The following MAST4 variants were observed in gnomAD, a reference collection of about 807,000 sequenced individuals.
MAST4 encodes microtubule associated serine/threonine kinase family member 4.
A neutral mutation model predicts 162.7 loss-of-function variants in MAST4; 89 were observed. The observed-to-expected ratio is 0.55, with a 90% CI of 0.46 to 0.65. The LOEUF (loss-of-function observed/expected upper bound fraction) is 0.65. MAST4 is among the 30% of genes least tolerant of loss of function. The probability of loss-of-function intolerance (pLI) is 0.00; values close to 1 mark genes in which losing one functional copy is unlikely to be tolerated. For synonymous variants in MAST4, 1,479 were observed against 1,361.1 expected, an observed-to-expected ratio of 1.09 and a Z score of -1.91; for missense variants, 3,153 against 3,374.0, an observed-to-expected ratio of 0.93 and a Z score of 1.62.
At chr5:66,607,515 A>G (rs1742970458) in intron 1 of MAST4, among the ~76,000 whole-genome samples, 1 of 152,218 alleles carries the variant, frequency 6.6e-6, no homozygotes, top group Admixed American at 6.5e-5. Context: ...CCACATGTTA[A>G]AAGGAATTAT....
Position 66,623,933 on chromosome 5 carries a change from T to C in MAST4, c.363+26915T>C, listed in dbSNP as rs1297907685. ...GTAAAGTAAGATACAAAAATCAACA[T>C]ACAAAAACAGTGGCATATCTGTACA... is the stretch of plus-strand genomic sequence containing the variant. On this transcript the variant is annotated intron_variant, in intron 1 of 28. Transcript: ENST00000403625. Among the ~76,000 whole-genome samples the C allele has an allele frequency of 2.0e-5, 3 of 152,090 alleles. 1 individual carries two copies. Among genetic ancestry groups the C allele is most frequent in the Admixed American group, 2.0e-4 (3 of 15,272 alleles).
chr5:67,074,920 A>G (rs1761427905), intron 5 of MAST4, among the ~76,000 whole-genome samples: 1 of 152,180 alleles, frequency 6.6e-6, no homozygotes, highest in Non-Finnish European at 1.5e-5. Context: ...TCACCAGAAA[A>G]ATTCATGTGC....
At chr5:66,905,605 CT>C (rs1561432310) in intron 4 of MAST4, among the ~76,000 whole-genome samples, 17 of 152,284 alleles carry the variant, frequency 1.1e-4, no homozygotes, top group Non-Finnish European at 1.5e-5. Flanking sequence ...CGACCAAGGC[CT>C]GAGGTCCTGA....
rs542755019 is a variant in MAST4, at chr5:66,648,132, C to T, written c.363+51114C>T. Among the ~76,000 whole-genome samples, 508 of 148,578 alleles carry T rather than the reference C, an allele frequency of 3.4e-3. 3 individuals carry two copies. Among genetic ancestry groups the T allele is most frequent in the African/African-American group, 0.012 (477 of 40,040 alleles). On this transcript the variant is annotated intron_variant, in intron 1 of 28. Coordinates refer to ENST00000403625, the MANE Select transcript of MAST4 (RefSeq NM_001164664.2). Reference sequence around the variant, plus strand: ...TTAGTATTTCCTCTTTATTTTCAGGCTTTGTGGCAATGTGGTAATTTAGGC... The same window carrying T: ...TTAGTATTTCCTCTTTATTTTCAGGTTTTGTGGCAATGTGGTAATTTAGGC...
intron 1 of MAST4, among the ~76,000 whole-genome samples, chr5:66,665,514 T>C (rs1228987428): frequency 6.6e-6 from 1 of 152,252 alleles, no homozygotes; most frequent in African/African-American, 2.4e-5. Context: ...TTTTATTTGC[T>C]CTAGTTTTAA....
At chr5:66,871,479 C>T (rs1760925565) in intron 3 of MAST4, among the ~76,000 whole-genome samples, 1 of 152,106 alleles carries the variant, frequency 6.6e-6, no homozygotes, top group Non-Finnish European at 1.5e-5. Flanking sequence ...TGGTCATGCC[C>T]AACTCTTTTT....
At position 66,774,378 on chromosome 5, in the gene MAST4, A is replaced by G. The variant is rs747423115; in HGVS notation, c.518-14292A>G. Among the ~76,000 whole-genome samples the G allele has an allele frequency of 2.6e-5, 4 of 152,124 alleles. No individual in the cohort carries two copies. In the East Asian group the frequency reaches 7.7e-4, roughly 29 times the overall value. ...GTAAATAACAGTAAACAAAGGGGGGAATAATACATCATGCACATACCTGTG... is the reference window on the plus strand; with the variant it reads ...GTAAATAACAGTAAACAAAGGGGGGGATAATACATCATGCACATACCTGTG... On this transcript the variant is annotated intron_variant, in intron 2 of 28. Coordinates refer to ENST00000403625, the MANE Select transcript of MAST4 (RefSeq NM_001164664.2).
At chr5:67,102,633 G>A (rs746156113) in intron 9 of MAST4, 22 bp downstream of exon 9, 17 of 1,586,222 alleles carry the variant, frequency 1.1e-5, no homozygotes, top group Middle Eastern at 3.3e-4. Flanking sequence ...AATTGAAGAT[G>A]CCTAGCATCT....
intron 1 of MAST4, among the ~76,000 whole-genome samples, chr5:66,717,915 G>T (rs557681333): frequency 6.6e-6 from 1 of 152,186 alleles, no homozygotes; most frequent in Non-Finnish European, 1.5e-5. Context: ...GAAGGAGGCC[G>T]TGGGACCGCT....
intron 4 of MAST4, among the ~76,000 whole-genome samples, chr5:67,002,621 T>C (rs932302351): frequency 9.2e-5 from 14 of 152,200 alleles, no homozygotes; most frequent in African/African-American, 3.4e-4. Flanking sequence ...AGCTTCTGTA[T>C]ACTGCCTACA....
chr5:67,081,545 A>G (rs1434992952), intron 5 of MAST4, among the ~76,000 whole-genome samples: 1 of 152,072 alleles, frequency 6.6e-6, no homozygotes, highest in Non-Finnish European at 1.5e-5. Flanking sequence ...GACAAGTGGA[A>G]GCTTAGAACA....
At chr5:67,049,052 T>TATATAC (rs1757816045) in intron 4 of MAST4, among the ~76,000 whole-genome samples, 1 of 105,798 alleles carries the variant, frequency 9.5e-6, no homozygotes, top group East Asian at 2.1e-4. Flanking sequence ...CGTGTATATA[T>TATATAC]ATATATACGT....
intron 3 of MAST4, among the ~76,000 whole-genome samples, chr5:66,889,300 A>C (rs1762228578): frequency 6.6e-6 from 1 of 152,194 alleles, no homozygotes; most frequent in Non-Finnish European, 1.5e-5. Flanking sequence ...AAACATAGTT[A>C]AGTGGCAGGG....
At chr5:67,092,135 G>T (rs1763932509) in intron 6 of MAST4, among the ~76,000 whole-genome samples, 1 of 152,116 alleles carries the variant, frequency 6.6e-6, no homozygotes, top group Non-Finnish European at 1.5e-5. Context: ...GCACATTGCT[G>T]AGCCTTTAAG....
intron 3 of MAST4, among the ~76,000 whole-genome samples, chr5:66,893,151 G>A (rs895275874): frequency 1.3e-5 from 2 of 152,108 alleles, no homozygotes; most frequent in Non-Finnish European, 2.9e-5. Flanking sequence ...AACCCAGCAA[G>A]CATTTTGTTT....
chr5:66,785,444 G>A (rs1359478852), intron 2 of MAST4, among the ~76,000 whole-genome samples: 2 of 152,076 alleles, frequency 1.3e-5, no homozygotes, highest in East Asian at 3.9e-4. Context: ...ATATTTTCCT[G>A]GGGTAGATGG....
chr5:66,640,309 CTTTTT>C (rs770087325), intron 1 of MAST4, among the ~76,000 whole-genome samples: 1 of 139,916 alleles, frequency 7.1e-6, no homozygotes. Context: ...CAATTTGTTT[CTTTTT>C]TTTTTTTTTT....
At chr5:66,774,214 A>G (rs891287817) in intron 2 of MAST4, among the ~76,000 whole-genome samples, 7 of 152,226 alleles carry the variant, frequency 4.6e-5, no homozygotes, top group African/African-American at 1.7e-4. Context: ...GGTCTGATAA[A>G]TTTGAATTAT....
intron 1 of MAST4, among the ~76,000 whole-genome samples, chr5:66,609,739 G>T (rs1743169731): frequency 6.7e-6 from 1 of 149,152 alleles, no homozygotes; most frequent in Admixed American, 6.7e-5. Flanking sequence ...TAAAACAAAG[G>T]CAGACAGTTC....
Sources: gnomAD v4.1 joint callset for allele counts (sites outside exome capture counted in the v4.1 genomes callset) on GRCh38, gnomAD v4.1.1 for gene constraint, MANE v1.5 for transcripts, NCBI Gene and HGNC (gene_info 2026-07-23, HGNC 2026-07-21) for gene names.